Variants in WNK2 observed in about 807,000 individuals in gnomAD.
The protein encoded by WNK2 is serine/threonine-protein kinase WNK2.
Under a neutral mutation model 192.1 loss-of-function variants are expected in WNK2, and 67 were observed. That is an observed-to-expected ratio of 0.35 (90% confidence interval 0.29 to 0.43). The LOEUF (loss-of-function observed/expected upper bound fraction) is 0.43. Among genes scored for constraint, WNK2 ranks in the 20% least tolerant of loss-of-function variants. WNK2 has a pLI of 1.00. For missense variants in WNK2, 2,698 were observed against 3,089.7 expected (o/e 0.87, Z 3.01); for synonymous variants, 1,439 against 1,393.9 (o/e 1.03, Z -0.72).
chr9:93,277,078 T>C (rs981542555), intron 19 of WNK2, among the ~76,000 whole-genome samples: 1 of 151,834 alleles, frequency 6.6e-6, no homozygotes, highest in East Asian at 1.9e-4. Flanking sequence ...GATGAGCAGA[T>C]ACTTCACCAA....
chr9:93,278,184 T>C (rs1320327387), intron 19 of WNK2, among the ~76,000 whole-genome samples: 1 of 152,074 alleles, frequency 6.6e-6, no homozygotes, highest in African/African-American at 2.4e-5. Flanking sequence ...CAGGCAGAGC[T>C]TGGGAGATTG....
intron 28 of WNK2, among the ~76,000 whole-genome samples, chr9:93,311,613 T>TGTGTGTGTGTGTG (rs1853656307): frequency 6.2e-5 from 9 of 146,190 alleles, no homozygotes; most frequent in South Asian, 2.2e-4. Context: ...GTTTTTTTGT[T>TGTGTGTGTGTGTG]TGTGTGTGTG....
At chr9:93,265,136 T>C (rs149062802) in intron 16 of WNK2, among the ~76,000 whole-genome samples, 22 of 152,366 alleles carry the variant, frequency 1.4e-4, no homozygotes, top group African/African-American at 5.3e-4. Flanking sequence ...GAGAAATTCT[T>C]CTGACGCTTG....
chr9:93,308,153 T>C, intron 27 of WNK2, 175 bp from the exon 28 acceptor site: 1 of 1,316,112 alleles, frequency 7.6e-7, no homozygotes, highest in Non-Finnish European at 1.0e-6. Flanking sequence ...TGCCCCACCA[T>C]GTCTGACCCT....
At chr9:93,288,676 C>A in intron 19 of WNK2, 112 bp from the exon 20 acceptor site, 1 of 1,120,296 alleles carries the variant, frequency 8.9e-7, no homozygotes, top group Admixed American at 2.9e-5. Context: ...CAGAGAAGAC[C>A]AGCACGCTGG....
chr9:93,262,633 CATG>C (rs1673732472), intron 13 of WNK2, 34 bp from the exon 14 acceptor site: 2 of 1,611,080 alleles, frequency 1.2e-6, no homozygotes, highest in Non-Finnish European at 1.7e-6. Flanking sequence ...CGGGAGTCCG[CATG>C]ACCTGTTCTC....
chr9:93,233,906 G>C (rs1329313181), intron 4 of WNK2, among the ~76,000 whole-genome samples: 1 of 152,168 alleles, frequency 6.6e-6, no homozygotes, highest in Non-Finnish European at 1.5e-5. Flanking sequence ...CAGCGCGACA[G>C]ACATGCAACC....
At chr9:93,184,779 C>G (rs1687836271) in intron 1 of WNK2, 149 bp from the exon 2 acceptor site, 1 of 649,812 alleles carries the variant, frequency 1.5e-6, no homozygotes, top group East Asian at 3.8e-5. Flanking sequence ...CCCCCCTTTC[C>G]CAGGGCCCCC....
At chr9:93,184,524 C>G (rs986843708) in intron 1 of WNK2, among the ~76,000 whole-genome samples, 139 bp downstream of exon 1, 5 of 152,106 alleles carry the variant, frequency 3.3e-5, no homozygotes, top group Non-Finnish European at 5.9e-5. Flanking sequence ...CTGCCTTCCT[C>G]CCACCCCCGG....
In WNK2 at chr9:93,258,981, C is replaced by A. The variant is rs538840249; in HGVS notation, c.2433C>A (p.Asp811Glu). The change falls in exon 12 of 30, where the codon GAC becomes GAA. Residue 811 changes from aspartate (D) to glutamate (E), a missense_variant. Asp to Glu is a conservative substitution (Grantham distance 45). Transcript: ENST00000427277. The stretch of plus-strand genomic sequence containing the variant: ...CCATCACGCCCCTGGCGGGAATCGA[C>A]GGCCTCCCTCCGGCCCTCCCAGACC... Reference protein sequence around the residue: ...VPPITPLAGIDGLPPALPDLP... With the variant: ...VPPITPLAGIEGLPPALPDLP... 3 of 1,612,808 alleles carry A rather than the reference C, an allele frequency of 1.9e-6. No homozygotes were observed. The highest frequency in any genetic ancestry group is 1.3e-5 in the African/African-American group (1 of 74,944).
At chr9:93,261,404 G>A (rs558455530) in intron 12 of WNK2, among the ~76,000 whole-genome samples, 71 of 152,280 alleles carry the variant, frequency 4.7e-4, no homozygotes, top group African/African-American at 1.5e-3. Flanking sequence ...TCCAGGAGGC[G>A]GCAGGTGTCA....
chr9:93,234,291 G>A (rs2398820), intron 4 of WNK2, among the ~76,000 whole-genome samples: 86,453 of 152,094 alleles, frequency 0.57, 25,719 homozygotes, highest in Admixed American at 0.68. Flanking sequence ...GATGCTGACT[G>A]TTGTACATGC....
At position 93,306,992 on chromosome 9, in the gene WNK2, C is replaced by T. The variant is rs559903248; in HGVS notation, c.6259+171C>T. ...CTGCTTCGCTTCTGCCTGGCGGGAT[C>T]GCTGTCCTCGGCTCCCCCGTGTGTC... On this transcript the variant is annotated intron_variant, in intron 27 of 29. Transcript: ENST00000427277. The T allele has an allele frequency of 1.2e-4, 94 of 771,212 alleles. No homozygotes were observed. In the African/African-American group the frequency reaches 1.3e-3, roughly 10 times the overall value. The allele number at this position is 771,212 out of a possible 1,614,324, so 47.8% of individuals were successfully genotyped here. A position where few individuals can be genotyped will look rare whatever the true frequency, so the allele number is the denominator to read the frequency against.
At chr9:93,188,611 G>A (rs978609620) in intron 2 of WNK2, among the ~76,000 whole-genome samples, 3 of 152,300 alleles carry the variant, frequency 2.0e-5, no homozygotes, top group South Asian at 2.1e-4. Flanking sequence ...GAATCCCACC[G>A]CCTTCCTCCT....
rs1554679265 is a variant in WNK2 at position 93,202,364 on chromosome 9, G to GTATGTGTGTA, written c.681+16755_681+16756insATGTGTGTAT. ...TGTGTGTGTGTGTGTGTGTGTGTGT[G>GTATGTGTGTA]TGTATGTCTCGTCTTTGGCTCGTTT... On this transcript the variant is annotated intron_variant, in intron 2 of 29. Coordinates refer to ENST00000427277, the MANE Select transcript of WNK2 (RefSeq NM_006648.4). 7.4e-4 allele frequency among the ~76,000 whole-genome samples: 108 copies of GTATGTGTGTA among 146,176 alleles called. 1 individual carries two copies. The highest frequency in any genetic ancestry group is 1.1e-3 in the Non-Finnish European group (74 of 66,006).
intron 19 of WNK2, among the ~76,000 whole-genome samples, chr9:93,269,930 A>G (rs1845785886): frequency 6.6e-6 from 1 of 152,240 alleles, no homozygotes; most frequent in Admixed American, 6.5e-5. Flanking sequence ...ATCTGTGTGA[A>G]GGCATTTGAA....
At chr9:93,196,793 G>A (rs1034818930) in intron 2 of WNK2, among the ~76,000 whole-genome samples, 3 of 152,122 alleles carry the variant, frequency 2.0e-5, no homozygotes, top group South Asian at 2.1e-4. Context: ...TGGTCAGGAG[G>A]GGTGGCGGGC....
intron 2 of WNK2, among the ~76,000 whole-genome samples, chr9:93,226,151 C>T (rs907009014): frequency 2.0e-5 from 3 of 152,240 alleles, no homozygotes; most frequent in South Asian, 2.1e-4. Flanking sequence ...TGAGACTCAC[C>T]GCCCACCTGG....
Position 93,317,554 on chromosome 9 carries a change from G to A in WNK2, c.6551G>A (p.Arg2184His), listed in dbSNP as rs754937381. ...TAPRAGVGMPRLPPAPGPLST... is the reference protein window; with the variant it reads ...TAPRAGVGMPHLPPAPGPLST... ...CCTCGAGCAGGAGTGGGGATGCCAC[G>A]TCTGCCCCCAGCGCCCGGCCCTCTG... Residue 2184 changes from arginine (R) to histidine (H), a missense_variant, in exon 29 of 30, where the codon CGT becomes CAT. Physicochemically the swap from Arg to His is conservative, Grantham distance 29 (BLOSUM62 0). Around this residue, in one of 7 missense-constraint regions of WNK2, gnomAD observed 167 missense variants for 184.2 expected, o/e 0.91. Transcript: ENST00000427277. 5.6e-6 allele frequency: 9 copies of A among 1,613,470 alleles called. No homozygotes were observed. In the Admixed American group the frequency reaches 8.3e-5, roughly 15 times the overall value.
Sources: allele counts gnomAD v4.1 joint callset (sites outside exome capture counted in the v4.1 genomes callset), GRCh38; gene constraint gnomAD v4.1.1; regional missense constraint gnomAD v4.1.1; transcripts MANE v1.5; gene names NCBI Gene and HGNC (gene_info 2026-07-23, HGNC 2026-07-21).